Variants in NPHP1 observed in about 807,000 individuals in gnomAD.
NPHP1 encodes nephrocystin-1.
NPHP1 carries 70 observed loss-of-function variants against 90.4 expected under a neutral mutation model. That is an observed-to-expected ratio of 0.77 (90% confidence interval 0.64 to 0.95). NPHP1 has a LOEUF of 0.95. NPHP1 is among the 40% of genes least tolerant of loss of function. The pLI is 0.00. For synonymous variants in NPHP1, 256 were observed against 271.7 expected, an observed-to-expected ratio of 0.94 and a Z score of 0.57; for missense variants, 764 against 795.9, an observed-to-expected ratio of 0.96 and a Z score of 0.48.
chr2:110,199,513 G>C (rs1300106474), intron 2 of NPHP1, among the ~76,000 whole-genome samples: 1 of 151,896 alleles, frequency 6.6e-6, no homozygotes, highest in Middle Eastern at 3.2e-3. Context: ...TAGCATGGTA[G>C]CTCGTGGCGG....
chr2:110,182,643 G>A (rs1683985404), intron 2 of NPHP1, among the ~76,000 whole-genome samples: 1 of 152,082 alleles, frequency 6.6e-6, no homozygotes, highest in Non-Finnish European at 1.5e-5. Flanking sequence ...CCTGAAGGAA[G>A]GACTAAATAC....
intron 11 of NPHP1, 36 bp from the exon 12 acceptor site, chr2:110,150,292 A>C: frequency 6.3e-7 from 1 of 1,593,250 alleles, no homozygotes; most frequent in Non-Finnish European, 8.6e-7. Context: ...ATCATGTAAA[A>C]AGCTCTTTGA....
chr2:110,193,361 T>C (rs1486152132), intron 2 of NPHP1, among the ~76,000 whole-genome samples: 1 of 151,884 alleles, frequency 6.6e-6, no homozygotes, highest in Non-Finnish European at 1.5e-5. Context: ...GCAATCCTAG[T>C]CTCTGATAAA....
intron 5 of NPHP1, 26 bp downstream of exon 5, chr2:110,169,780 T>C: frequency 2.6e-6 from 4 of 1,515,468 alleles, no homozygotes; most frequent in Non-Finnish European, 3.7e-6. Flanking sequence ...GACCCTTAGG[T>C]TAGGTTTCAG....
At chr2:110,151,350 A>T (rs903495256) in intron 11 of NPHP1, among the ~76,000 whole-genome samples, 9 of 152,098 alleles carry the variant, frequency 5.9e-5, no homozygotes, top group Admixed American at 3.9e-4. Flanking sequence ...CTATGCAAGA[A>T]GTTCATCATA....
chr2:110,158,663 A>G (rs931614752), intron 11 of NPHP1, among the ~76,000 whole-genome samples: 2 of 152,000 alleles, frequency 1.3e-5, no homozygotes, highest in Admixed American at 6.6e-5. Context: ...TATATATAAC[A>G]TATAGGTCAG....
chr2:110,160,089 A>T (rs1344955007), intron 11 of NPHP1, 38 bp downstream of exon 11: 3 of 1,599,096 alleles, frequency 1.9e-6, no homozygotes, highest in Non-Finnish European at 2.6e-6. Context: ...TTTCTCCATA[A>T]TCCTAGTATG....
chr2:110,197,799 A>T (rs910494163), intron 2 of NPHP1, among the ~76,000 whole-genome samples: 4 of 152,138 alleles, frequency 2.6e-5, no homozygotes, highest in African/African-American at 7.2e-5. Context: ...GGCAGGTGTC[A>T]TGTTACTTGA....
intron 2 of NPHP1, among the ~76,000 whole-genome samples, chr2:110,199,012 GAACTT>G (rs1387450953): frequency 6.6e-6 from 1 of 151,468 alleles, no homozygotes; most frequent in Non-Finnish European, 1.5e-5. Context: ...GAACAGAAGA[GAACTT>G]AAGGAGAAAA....
Position 110,164,599 on chromosome 2 carries a change from T to C in NPHP1, c.771+89A>G, listed in dbSNP as rs139787582. 2.2e-4 allele frequency: 360 copies of C among 1,608,984 alleles called. No homozygotes were observed. Among genetic ancestry groups the C allele is most frequent in the East Asian group, 8.3e-4 (37 of 44,834 alleles). On this transcript the variant is annotated intron_variant, in intron 8 of 19. Transcript: ENST00000445609. ...TGCCCTGAACCCTGTTTCAGATCCA[T>C]TGGTGTCTTCCACAGTCTCCATCCT...
intron 11 of NPHP1, among the ~76,000 whole-genome samples, chr2:110,156,781 T>G (rs1469298691): frequency 6.1e-4 from 31 of 51,098 alleles, no homozygotes; most frequent in Non-Finnish European, 9.9e-4. Flanking sequence ...TTGGTTTCTG[T>G]TTTTTTTTTT....
intron 2 of NPHP1, among the ~76,000 whole-genome samples, chr2:110,199,986 G>A (rs1166060372): frequency 1.3e-5 from 2 of 152,096 alleles, no homozygotes; most frequent in African/African-American, 2.4e-5. Context: ...GGCCGGGCGC[G>A]GTGGCTCACG....
intron 2 of NPHP1, among the ~76,000 whole-genome samples, chr2:110,196,205 G>C (rs1246886275): frequency 6.6e-6 from 1 of 152,040 alleles, no homozygotes; most frequent in African/African-American, 2.4e-5. Flanking sequence ...ACTACCATCA[G>C]AGTGAACAGG....
intron 16 of NPHP1, among the ~76,000 whole-genome samples, chr2:110,141,175 C>A (rs1355503999): frequency 6.6e-6 from 1 of 152,150 alleles, no homozygotes; most frequent in African/African-American, 2.4e-5. Flanking sequence ...CCTGATTTTA[C>A]CAGCTACACA....
intron 16 of NPHP1, among the ~76,000 whole-genome samples, chr2:110,132,884 C>G (rs1242852462): frequency 6.6e-6 from 1 of 151,588 alleles, no homozygotes; most frequent in Non-Finnish European, 1.5e-5. Flanking sequence ...CCATGGTAAC[C>G]ACAAAGAAAA....
At chr2:110,183,366 G>T (rs868195992) in intron 2 of NPHP1, among the ~76,000 whole-genome samples, 1 of 152,174 alleles carries the variant, frequency 6.6e-6, no homozygotes, top group South Asian at 2.1e-4. Context: ...ACATGTTCCT[G>T]TTGCAGATAA....
rs17162370 is a variant in NPHP1 at position 110,163,289 on chromosome 2, G to C, written c.772-154C>G. ...ATACGATTTGGCCCCAAATTCCTGAGAGGATGCCATCACAGCACCCTGGCC... is the reference window on the plus strand; with the variant it reads ...ATACGATTTGGCCCCAAATTCCTGACAGGATGCCATCACAGCACCCTGGCC... On this transcript the variant is annotated intron_variant, in intron 8 of 19. Coordinates refer to ENST00000445609, the MANE Select transcript of NPHP1 (RefSeq NM_001128178.3). 3.7e-3 allele frequency: 2,413 copies of C among 655,188 alleles called. 44 individuals carry two copies. The African/African-American group carries it at 0.039, about 11-fold the overall frequency. 40.6% of individuals were successfully genotyped at this position (655,188 alleles called of 1,614,324 possible).
intron 4 of NPHP1, among the ~76,000 whole-genome samples, chr2:110,175,047 G>T (rs1486829693): frequency 6.6e-6 from 1 of 152,068 alleles, no homozygotes; most frequent in Non-Finnish European, 1.5e-5. Context: ...ACACAAGGTT[G>T]TATGTTACTC....
intron 2 of NPHP1, among the ~76,000 whole-genome samples, chr2:110,193,322 C>A (rs983999901): frequency 6.6e-6 from 1 of 151,854 alleles, no homozygotes; most frequent in Non-Finnish European, 1.5e-5. Context: ...ATCTACCAAG[C>A]AAATGGAAAA....
Sources: allele counts gnomAD v4.1 joint callset (sites outside exome capture counted in the v4.1 genomes callset), GRCh38; gene constraint gnomAD v4.1.1; transcripts MANE v1.5; gene names NCBI Gene and HGNC (gene_info 2026-07-23, HGNC 2026-07-21).